CAMK2G: variants seen among roughly 807,000 people sequenced by gnomAD.
The protein encoded by CAMK2G is calcium/calmodulin dependent protein kinase II gamma, also known as calcium/calmodulin-dependent protein kinase type II subunit gamma.
In CAMK2G, 23 loss-of-function variants were observed where a neutral mutation model predicts 88.7. That is an observed-to-expected ratio of 0.26 (90% CI 0.19 to 0.37). The LOEUF (loss-of-function observed/expected upper bound fraction) is 0.37, where lower values mean the gene tolerates loss of function less well. Ranked by LOEUF, CAMK2G falls within the 10% of genes least tolerant of loss-of-function variation. The probability of loss-of-function intolerance (pLI) is 1.00; values close to 1 mark genes in which losing one functional copy is unlikely to be tolerated. For missense variants in CAMK2G, 476 were observed against 780.8 expected (o/e 0.61, Z 4.65); for synonymous variants, 263 against 294.8 (o/e 0.89, Z 1.11).
intron 22 of CAMK2G, chr10:73,814,763 G>T (rs2084885658): frequency 7.7e-6 from 4 of 517,304 alleles, no homozygotes; most frequent in Admixed American, 3.2e-5. Flanking sequence ...GACAGCTAAG[G>T]AAACAGTTTA....
At chr10:73,873,196 C>G (rs1322196163) in intron 1 of CAMK2G, 113 bp from the exon 2 acceptor site, 7 of 967,188 alleles carry the variant, frequency 7.2e-6, no homozygotes, top group Non-Finnish European at 8.2e-6. Context: ...GTCACACTCA[C>G]GTACATGCAC....
In CAMK2G at chr10:73,819,654, C is replaced by CCAGGGCAGGGCAGGGCAGGG. The variant is rs201010279; in HGVS notation, c.1250-29_1250-10dup. ...AGTGCGGAGCGGGGCAGCTAGCCAGCCAGGGCAGGGCAGGGCAGGGCAAGG... is the reference window on the plus strand; with the variant it reads ...AGTGCGGAGCGGGGCAGCTAGCCAGCCAGGGCAGGGCAGGGCAGGGCAGGGCAGGGCAGGGCAGGGCAAGG... On this transcript the variant is annotated splice_polypyrimidine_tract_variant and intron_variant, in intron 18 of 22. Transcript: ENST00000423381. 1 of 1,521,128 alleles carries CCAGGGCAGGGCAGGGCAGGG rather than the reference C, an allele frequency of 6.6e-7. No individual in the cohort carries two copies. The highest frequency in any genetic ancestry group is 8.8e-7 in the Non-Finnish European group (1 of 1,131,570). The allele number at this position is 1,521,128 out of a possible 1,614,324, so 94.2% of individuals were successfully genotyped here.
At chr10:73,859,561 C>T (rs1046112961) in intron 3 of CAMK2G, among the ~76,000 whole-genome samples, 1 of 152,206 alleles carries the variant, frequency 6.6e-6, no homozygotes, top group Non-Finnish European at 1.5e-5. Flanking sequence ...CAGGTGAAGG[C>T]CTAACCTCAG....
At chr10:73,851,249 C>G (rs989151563) in intron 5 of CAMK2G, among the ~76,000 whole-genome samples, 3 of 152,212 alleles carry the variant, frequency 2.0e-5, no homozygotes, top group African/African-American at 7.2e-5. Context: ...GCAGGATGAT[C>G]AAAACCAGGT....
chr10:73,862,180 C>T (rs1469423198), intron 2 of CAMK2G, among the ~76,000 whole-genome samples: 1 of 152,010 alleles, frequency 6.6e-6, no homozygotes, highest in Non-Finnish European at 1.5e-5. Flanking sequence ...GGAGGCCTCA[C>T]AGCCCTCCCC....
intron 18 of CAMK2G, among the ~76,000 whole-genome samples, 154 bp from the exon 19 acceptor site, chr10:73,819,799 GGAC>G (rs2087192425): frequency 6.6e-6 from 1 of 152,234 alleles, no homozygotes; most frequent in African/African-American, 2.4e-5. Flanking sequence ...TGTGGACACT[GGAC>G]GACATCCCAC....
intron 14 of CAMK2G, among the ~76,000 whole-genome samples, chr10:73,835,524 C>T (rs796853377): frequency 6.6e-5 from 10 of 151,240 alleles, no homozygotes; most frequent in African/African-American, 2.4e-4. Flanking sequence ...CTCCTGGACT[C>T]AAGCAATCTT....
rs1224592769 is a variant in CAMK2G at position 73,848,207 on chromosome 10, C to T, written c.602-125G>A. On this transcript the variant is annotated intron_variant, in intron 8 of 22. Coordinates refer to ENST00000423381, the MANE Select transcript of CAMK2G (RefSeq NM_001367534.1). This position sits in a 1 kb window ranked among gnomAD's most constrained non-coding sequence, Gnocchi z 4.5. ...GCCATACCAGAGTCAGAAGTGGATG[C>T]CAGCCGATAATGCTATGCTACCAGC... 7 of 684,684 alleles carry T rather than the reference C, an allele frequency of 1.0e-5. No homozygotes were observed. Among genetic ancestry groups the T allele is most frequent in the East Asian group, 7.5e-5 (3 of 40,106 alleles). The allele number at this position is 684,684 out of a possible 1,614,324, so 42.4% of individuals were successfully genotyped here. A position where few individuals can be genotyped will look rare whatever the true frequency, so the allele number is the denominator to read the frequency against.
At chr10:73,869,643 G>T (rs1468935600) in intron 2 of CAMK2G, among the ~76,000 whole-genome samples, 1 of 152,182 alleles carries the variant, frequency 6.6e-6, no homozygotes, top group Non-Finnish European at 1.5e-5. Context: ...ACTTCGCTAG[G>T]GCCTGCCCAT....
intron 3 of CAMK2G, among the ~76,000 whole-genome samples, chr10:73,857,531 T>C (rs1296430945): frequency 6.6e-6 from 1 of 152,224 alleles, no homozygotes; most frequent in Non-Finnish European, 1.5e-5. Flanking sequence ...ACTCAGGTCC[T>C]ACCCCAGACC....
intron 14 of CAMK2G, among the ~76,000 whole-genome samples, chr10:73,835,451 T>C (rs547103750): frequency 8.6e-5 from 13 of 151,526 alleles, no homozygotes; most frequent in Non-Finnish European, 1.9e-4. Context: ...TGCACACCAC[T>C]ATGCCCAGTT....
chr10:73,863,123 C>A (rs2095451231), intron 2 of CAMK2G, among the ~76,000 whole-genome samples: 1 of 152,262 alleles, frequency 6.6e-6, no homozygotes, highest in South Asian at 2.1e-4. Flanking sequence ...AACTTTCCCT[C>A]TAGCAACAGC....
intron 10 of CAMK2G, 102 bp downstream of exon 10, chr10:73,847,123 G>C: frequency 8.1e-7 from 1 of 1,233,792 alleles, no homozygotes; most frequent in East Asian, 2.4e-5. Context: ...TATTGCTTGG[G>C]GCCCAGAATG....
At chr10:73,870,634 A>T (rs1383226143) in intron 2 of CAMK2G, among the ~76,000 whole-genome samples, 1 of 152,178 alleles carries the variant, frequency 6.6e-6, no homozygotes, top group Non-Finnish European at 1.5e-5. Flanking sequence ...AGGCAGGAAG[A>T]CCCAGTGAAC....
chr10:73,871,504 A>T (rs2135978388), intron 2 of CAMK2G, among the ~76,000 whole-genome samples: 1 of 152,276 alleles, frequency 6.6e-6, no homozygotes, highest in East Asian at 1.9e-4. Context: ...CCTGTTTCTG[A>T]TGCACCAGGG....
chr10:73,864,289 C>T (rs942610372), intron 2 of CAMK2G, among the ~76,000 whole-genome samples: 1 of 147,966 alleles, frequency 6.8e-6, no homozygotes, highest in Non-Finnish European at 1.5e-5. Flanking sequence ...GGTGACAGAG[C>T]AAGTCAAAAA....
chr10:73,833,909 GTTTTTTT>G (rs778838628), intron 14 of CAMK2G, among the ~76,000 whole-genome samples: 4 of 63,418 alleles, frequency 6.3e-5, no homozygotes, highest in East Asian at 1.4e-3. Context: ...TATCTACTGG[GTTTTTTT>G]TTTTTTTTTT....
chr10:73,869,502 A>G (rs979817260), intron 2 of CAMK2G, among the ~76,000 whole-genome samples: 33 of 152,244 alleles, frequency 2.2e-4, no homozygotes, highest in African/African-American at 7.7e-4. Context: ...CCAAGTCTGT[A>G]GCAGGGTACA....
At position 73,842,808 on chromosome 10, in the gene CAMK2G, G is replaced by A. The variant is rs1240541519; in HGVS notation, c.820-267C>T. On this transcript the variant is annotated intron_variant, in intron 10 of 22. Coordinates refer to ENST00000423381, the MANE Select transcript of CAMK2G (RefSeq NM_001367534.1). The surrounding 1 kb of genome is among the most constrained non-coding windows in gnomAD (Gnocchi z 4.6). The stretch of plus-strand genomic sequence containing the variant: ...GAGAGACCGTCCTATTCTTCCTTGG[G>A]AAACAGAGGCTACCGAACAGGAGAG... Among the ~76,000 whole-genome samples the A allele has an allele frequency of 1.3e-5, 2 of 152,188 alleles. No individual in the cohort carries two copies. Among genetic ancestry groups the A allele is most frequent in the Non-Finnish European group, 2.9e-5 (2 of 68,028 alleles).
Sources: allele counts gnomAD v4.1 joint callset (sites outside exome capture counted in the v4.1 genomes callset), GRCh38; gene constraint gnomAD v4.1.1; non-coding constraint Gnocchi (gnomAD v3.1); transcripts MANE v1.5; gene names NCBI Gene and HGNC (gene_info 2026-07-23, HGNC 2026-07-21).